Variants in AGRN observed in about 807,000 individuals in gnomAD.
AGRN encodes agrin proteoglycan.
Under a neutral mutation model 211.0 loss-of-function variants are expected in AGRN, and 106 were observed. The observed-to-expected ratio is 0.50, with a 90% CI of 0.43 to 0.59. The LOEUF (loss-of-function observed/expected upper bound fraction) is 0.59. Ranked by LOEUF, AGRN falls within the 20% of genes least tolerant of loss-of-function variation. The pLI is 0.00. For synonymous variants in AGRN, 1,525 were observed against 1,332.5 expected, an observed-to-expected ratio of 1.14 and a Z score of -3.15; for missense variants, 3,040 against 2,982.6, an observed-to-expected ratio of 1.02 and a Z score of -0.45.
At chr1:1,049,122 G>GT in intron 24 of AGRN, 63 bp downstream of exon 24, 1 of 892,694 alleles carries the variant, frequency 1.1e-6, no homozygotes, top group Non-Finnish European at 1.5e-6. Context: ...GGGCGGGGGA[G>GT]GGGGGGCCGG....
chr1:1,054,897 G>T lies in AGRN; in HGVS notation c.6054G>T (p.Arg2018=), dbSNP rs754185719. Residue 2018 remains arginine (R), a synonymous_variant, in exon 36 of 36, where the codon CGG becomes CGT. Transcript: ENST00000379370. Reference sequence around the variant, plus strand: ...GCACAGGCTTTGTGGGCTGCTTGCGGGACGTGGTGGTGGGCCGGCACCCGC... The same window carrying T: ...GCACAGGCTTTGTGGGCTGCTTGCGTGACGTGGTGGTGGGCCGGCACCCGC... The part of the protein sequence containing the change: ...AYGTGFVGCL[R]DVVVGRHPLH... 1.9e-6 allele frequency: 3 copies of T among 1,551,554 alleles called. No individual in the cohort carries two copies. Among genetic ancestry groups the T allele is most frequent in the Middle Eastern group, 4.3e-4 (2 of 4,640 alleles).
In AGRN at chr1:1,044,144, G is replaced by A. The variant is rs756595253; in HGVS notation, c.2035G>A (p.Asp679Asn). 1 of 1,613,176 alleles carries A rather than the reference G, an allele frequency of 6.2e-7. No individual in the cohort carries two copies. The highest frequency in any genetic ancestry group is 1.3e-5 in the African/African-American group (1 of 74,922). ...TTCCGGAGGCTCTGGCTCTGGGGAG[G>A]ACGGTGACTGTGAGCAGGAGCTGTG... ...CGSGGSGSGE[D>N]GDCEQELCRQ... is the part of the protein sequence containing the mutation. Residue 679 changes from aspartate to asparagine, a missense_variant, in exon 11 of 36, where the codon GAC becomes AAC. By Grantham distance (23) the Asp-to-Asn change is conservative. Transcript: ENST00000379370.
rs1424767207 is a variant in AGRN, at chr1:1,032,087, TG to T, written c.464-3186del. Among the ~76,000 whole-genome samples, 1 of 151,552 alleles carries T rather than the reference TG, an allele frequency of 6.6e-6. No individual in the cohort carries two copies. The highest frequency in any genetic ancestry group is 2.4e-5 in the African/African-American group (1 of 41,180). ...TGGACAGTGCCAAGGTCCAGCAGGG[TG>T]GGGTGGTTGGGGTAGGAGCTCCCCT... On this transcript the variant is annotated intron_variant, in intron 2 of 35. Transcript: ENST00000379370. This position sits in a 1 kb window ranked among gnomAD's most constrained non-coding sequence, Gnocchi z 4.7.
At chr1:1,047,939 TG>T (rs777430689) in intron 22 of AGRN, 44 bp downstream of exon 22, 25 of 1,594,552 alleles carry the variant, frequency 1.6e-5, no homozygotes, top group Non-Finnish European at 2.0e-5. Context: ...CCCCCTCCTC[TG>T]CCCATGCCCC....
intron 2 of AGRN, among the ~76,000 whole-genome samples, chr1:1,023,150 G>A (rs1644447073): frequency 6.6e-6 from 1 of 152,230 alleles, no homozygotes; most frequent in Admixed American, 6.5e-5. Context: ...GGCTGCCTGG[G>A]AAGGGATGTG....
chr1:1,026,221 C>A (rs1334796492), intron 2 of AGRN, among the ~76,000 whole-genome samples: 1 of 152,182 alleles, frequency 6.6e-6, no homozygotes, highest in Non-Finnish European at 1.5e-5. Flanking sequence ...ACTGGGCTCG[C>A]TCCCGCTTGT....
chr1:1,028,047 A>G (rs1433005039), intron 2 of AGRN, among the ~76,000 whole-genome samples: 1 of 151,988 alleles, frequency 6.6e-6, no homozygotes, highest in Non-Finnish European at 1.5e-5. Flanking sequence ...GCTCACCATG[A>G]CCTTCACTGA....
chr1:1,021,441 G>A (rs1423804086), intron 1 of AGRN, among the ~76,000 whole-genome samples: 3 of 152,254 alleles, frequency 2.0e-5, no homozygotes, highest in African/African-American at 4.8e-5. Context: ...GCTCCCAGCA[G>A]GGGCTGCGCA....
intron 2 of AGRN, among the ~76,000 whole-genome samples, chr1:1,029,065 C>T (rs1024340947): frequency 1.5e-4 from 17 of 112,888 alleles, no homozygotes; most frequent in Admixed American, 5.0e-4. Flanking sequence ...CCCAAGGAAC[C>T]GAGCCCCAGC....
In AGRN at chr1:1,051,754, G is replaced by C; in HGVS notation, c.5590G>C (p.Val1864Leu). Residue 1864 changes from valine (V) to leucine (L), a missense_variant, in exon 33 of 36, where the codon GTG becomes CTG. Val to Leu is a conservative substitution (Grantham distance 32). Coordinates refer to ENST00000379370, the MANE Select transcript of AGRN (RefSeq NM_198576.4). Reference sequence around the variant, plus strand: ...GCTGGTGGAGAAGTCAGCGGGGGACGTGGATACCTTGGCCTTTGACGGGCG... The same window carrying C: ...GCTGGTGGAGAAGTCAGCGGGGGACCTGGATACCTTGGCCTTTGACGGGCG... ...KGLVEKSAGD[V>L]DTLAFDGRTF... 1 of 1,613,884 alleles carries C rather than the reference G, an allele frequency of 6.2e-7. No homozygotes were observed. The highest frequency in any genetic ancestry group is 1.6e-4 in the Middle Eastern group (1 of 6,062).
chr1:1,034,075 T>C, intron 2 of AGRN: 1 of 970,264 alleles, frequency 1.0e-6, no homozygotes, highest in Non-Finnish European at 1.2e-6. Context: ...GGCGCTTTCT[T>C]CTCGCTCCCG....
At chr1:1,036,581 G>A (rs1644809154) in intron 3 of AGRN, among the ~76,000 whole-genome samples, 1 of 152,086 alleles carries the variant, frequency 6.6e-6, no homozygotes. Context: ...GCCTGGGGCA[G>A]CGCTGGGCCT....
At chr1:1,050,993 G>T (rs1394637422) in intron 30 of AGRN, 156 bp downstream of exon 30, 1 of 1,550,294 alleles carries the variant, frequency 6.5e-7, no homozygotes, top group Non-Finnish European at 8.7e-7. Context: ...CCTGCTCTCT[G>T]CTCTCGCTCT....
chr1:1,033,114 T>C (rs968980373), intron 2 of AGRN, among the ~76,000 whole-genome samples: 2 of 151,834 alleles, frequency 1.3e-5, no homozygotes, highest in Non-Finnish European at 2.9e-5. Flanking sequence ...TTGGGGGCGT[T>C]CCAGCCCCAC....
At position 1,048,626 on chromosome 1, in the gene AGRN, C is replaced by A. The variant is rs560952229; in HGVS notation, c.4106-241C>A. The A allele has an allele frequency of 1.9e-4, 116 of 598,084 alleles. No homozygotes were observed. Among genetic ancestry groups the A allele is most frequent in the African/African-American group, 1.9e-3 (99 of 52,646 alleles). The allele number at this position is 598,084 out of a possible 1,614,324, so 37.0% of individuals were successfully genotyped here. ...TCTCTACTAAAAATACAAAATTAGC[C>A]GGGCGTGGTGGTGGGCGCCTGTAAT... is the stretch of plus-strand genomic sequence containing the variant. On this transcript the variant is annotated intron_variant, in intron 23 of 35. Transcript: ENST00000379370. This position sits in a 1 kb window ranked among gnomAD's most constrained non-coding sequence, Gnocchi z 5.9.
chr1:1,043,492 GGA>G (rs1557704565), intron 8 of AGRN, 35 bp downstream of exon 8: 1 of 1,601,450 alleles, frequency 6.2e-7, no homozygotes, highest in South Asian at 1.1e-5. Context: ...TGGGGGTCGG[GGA>G]GAGAGAGGTT....
intron 19 of AGRN, 177 bp from the exon 20 acceptor site, chr1:1,047,150 A>T (rs1292003383): frequency 7.4e-7 from 1 of 1,346,012 alleles, no homozygotes; most frequent in Non-Finnish European, 9.9e-7. Context: ...CACTGCTCTG[A>T]GGAGTCCTCC....
At chr1:1,043,124 T>A (rs1644990247) in intron 7 of AGRN, 115 bp from the exon 8 acceptor site, 2 of 1,195,012 alleles carry the variant, frequency 1.7e-6, no homozygotes, top group African/African-American at 1.5e-5. Flanking sequence ...TCTCCTGTGT[T>A]CTCTCTTCCT....
chr1:1,026,242 C>T (rs1436109826), intron 2 of AGRN, among the ~76,000 whole-genome samples: 4 of 152,176 alleles, frequency 2.6e-5, no homozygotes, highest in Non-Finnish European at 4.4e-5. Flanking sequence ...CCACACTGGC[C>T]GCTCTGGTGG....
Sources: allele counts gnomAD v4.1 joint callset (sites outside exome capture counted in the v4.1 genomes callset), GRCh38; gene constraint gnomAD v4.1.1; non-coding constraint Gnocchi (gnomAD v3.1); transcripts MANE v1.5; gene names NCBI Gene and HGNC (gene_info 2026-07-23, HGNC 2026-07-21).